XPO5: variants seen among roughly 807,000 people sequenced by gnomAD.
XPO5 encodes the protein exportin-5.
A neutral mutation model predicts 160.6 loss-of-function variants in XPO5; 46 were observed. The observed-to-expected ratio is 0.29, with a 90% CI of 0.23 to 0.37. XPO5 has a LOEUF of 0.37. Ranked by LOEUF, XPO5 falls within the 10% of genes least tolerant of loss-of-function variation. XPO5 has a pLI of 1.00. For synonymous variants in XPO5, 537 were observed against 519.3 expected (o/e 1.03, Z -0.46); for missense variants, 1,090 against 1,463.9 (o/e 0.74, Z 4.17).
At chr6:43,560,431 C>T (rs1041401347) in intron 10 of XPO5, 128 bp from the exon 11 acceptor site, 2 of 1,211,582 alleles carry the variant, frequency 1.7e-6, no homozygotes, top group African/African-American at 1.5e-5. Context: ...GCTGTCTCTA[C>T]TGCAATTTAT....
chr6:43,545,537 T>C (rs1794921768), intron 20 of XPO5, among the ~76,000 whole-genome samples: 1 of 152,010 alleles, frequency 6.6e-6, no homozygotes, highest in Non-Finnish European at 1.5e-5. Flanking sequence ...CGAAGCCCTG[T>C]CTCTACTAAA....
At chr6:43,563,672 G>A (rs922526767) in intron 8 of XPO5, among the ~76,000 whole-genome samples, 24 of 152,230 alleles carry the variant, frequency 1.6e-4, no homozygotes, top group African/African-American at 5.5e-4. Flanking sequence ...GCATGTTACC[G>A]TAGCCAATAC....
At chr6:43,539,162 G>T in intron 20 of XPO5, 2 of 1,093,898 alleles carry the variant, frequency 1.8e-6, no homozygotes, top group Admixed American at 3.9e-5. Context: ...CACCTTGCAG[G>T]GGACGGTGTG....
intron 9 of XPO5, chr6:43,561,759 T>C (rs1171217071): frequency 6.5e-6 from 1 of 153,404 alleles, no homozygotes; most frequent in Non-Finnish European, 1.4e-5. Flanking sequence ...CAATTGCAAA[T>C]GTCTGTTCCA....
chr6:43,531,011 A>G (rs963182915), intron 22 of XPO5, among the ~76,000 whole-genome samples, 187 bp from the exon 23 acceptor site: 5 of 152,322 alleles, frequency 3.3e-5, no homozygotes, highest in Admixed American at 2.0e-4. Context: ...CGAGATCAGC[A>G]GTAGCTTTCA....
chr6:43,551,247 ATTAAC>A (rs1399077347), intron 15 of XPO5, 46 bp downstream of exon 15: 1 of 1,503,448 alleles, frequency 6.7e-7, no homozygotes, highest in Admixed American at 2.3e-5. Context: ...ATAAATAAAA[ATTAAC>A]TTAGAAATGT....
intron 20 of XPO5, among the ~76,000 whole-genome samples, chr6:43,541,414 T>A (rs1448153990): frequency 1.3e-5 from 2 of 152,228 alleles, no homozygotes; most frequent in Non-Finnish European, 2.9e-5. Flanking sequence ...CACAAAACTT[T>A]AAAAAACTAA....
In XPO5 at chr6:43,533,975, A is replaced by G; in HGVS notation, c.2375T>C (p.Leu792Pro). The part of the protein sequence containing the change: ...THNTLYAPEM[L>P]AKMAEPFTKA... ...GGTGAAAGGCTCTGCCATTTTGGCTAGCATTTCTGGTGCATATAATGTATT... is the reference window on the plus strand; with the variant it reads ...GGTGAAAGGCTCTGCCATTTTGGCTGGCATTTCTGGTGCATATAATGTATT... Residue 792 changes from leucine (L) to proline (P), a missense_variant, in exon 21 of 32, where the codon CTA (leucine) becomes CCA (proline). Leu to Pro is a moderately conservative substitution (Grantham distance 98, BLOSUM62 -3). Coordinates refer to ENST00000265351, the MANE Select transcript of XPO5 (RefSeq NM_020750.3). 1 of 1,605,642 alleles carries G rather than the reference A, an allele frequency of 6.2e-7. No individual in the cohort carries two copies. The highest frequency in any genetic ancestry group is 8.5e-7 in the Non-Finnish European group (1 of 1,174,776).
At position 43,523,925 on chromosome 6, in the gene XPO5, C is replaced by T; in HGVS notation, c.3558G>A (p.Leu1186=). The T allele has an allele frequency of 1.2e-6, 2 of 1,614,054 alleles. No individual in the cohort carries two copies. The highest frequency in any genetic ancestry group is 1.7e-6 in the Non-Finnish European group (2 of 1,179,908). ...PSLFKKTKPM[L]ETEVLDNDGG... Reference sequence around the variant, plus strand: ...CATCATTGTCCAGCACCTCCGTCTCCAGCATTGGCTTTGTTTTTTTGAAAA... The same window carrying T: ...CATCATTGTCCAGCACCTCCGTCTCTAGCATTGGCTTTGTTTTTTTGAAAA... Residue 1186 remains leucine (L), a synonymous_variant, in exon 32 of 32, where the codon CTG becomes CTA. Transcript: ENST00000265351.
intron 20 of XPO5, chr6:43,539,685 C>T (rs978991257): frequency 4.7e-6 from 4 of 847,758 alleles, no homozygotes; most frequent in Non-Finnish European, 7.3e-6. Context: ...CCCCCCACTG[C>T]ACCGGCGTCA....
chr6:43,552,005 T>C (rs1408443961), intron 14 of XPO5, among the ~76,000 whole-genome samples: 1 of 152,222 alleles, frequency 6.6e-6, no homozygotes, highest in East Asian at 1.9e-4. Context: ...CAGTGTATTA[T>C]TCCCTAAAAC....
intron 6 of XPO5, among the ~76,000 whole-genome samples, chr6:43,568,337 C>A (rs75850412): frequency 0.036 from 5,408 of 151,924 alleles, 332 homozygotes; most frequent in African/African-American, 0.12. Context: ...ACAAAAAAAA[C>A]AAACGACAGA....
chr6:43,548,285 A>T lies in XPO5; in HGVS notation c.2036T>A (p.Ile679Asn). The T allele has an allele frequency of 6.2e-7, 1 of 1,611,406 alleles. No individual in the cohort carries two copies. Among genetic ancestry groups the T allele is most frequent in the Non-Finnish European group, 8.5e-7 (1 of 1,178,364 alleles). ...CCTGTGCATGTCTTGAGAAAGCCAG[A>T]TGCTGGCCACTGGTGCCATCAGCTC... ...LEELMAPVAS[I>N]WLSQDMHRVL... Residue 679 changes from isoleucine to asparagine, a missense_variant, in exon 18 of 32, where the codon ATC (isoleucine) becomes AAC (asparagine). Coordinates refer to ENST00000265351, the MANE Select transcript of XPO5 (RefSeq NM_020750.3).
At chr6:43,562,431 C>A in intron 8 of XPO5, 85 bp from the exon 9 acceptor site, 1 of 1,023,488 alleles carries the variant, frequency 9.8e-7, no homozygotes, top group Middle Eastern at 2.0e-4. Context: ...TTCTCCAAGT[C>A]ATTTAGTTAG....
Position 43,527,627 on chromosome 6 carries a change from C to T in XPO5, c.2920+7G>A, listed in dbSNP as rs965764512. The stretch of plus-strand genomic sequence containing the variant: ...CTCTATAGCCCCAGTTTCGACATGC[C>T]ACTTACTGATTAGGTCCATGACTTC... On this transcript the variant is annotated splice_region_variant and intron_variant, in intron 26 of 31. Coordinates refer to ENST00000265351, the MANE Select transcript of XPO5 (RefSeq NM_020750.3). The T allele has an allele frequency of 1.9e-6, 3 of 1,613,678 alleles. No homozygotes were observed. The highest frequency in any genetic ancestry group is 1.6e-4 in the Middle Eastern group (1 of 6,082).
chr6:43,522,802 G>C lies in XPO5; in HGVS notation c.*1066C>G, dbSNP rs79440262. On this transcript the variant is annotated 3_prime_UTR_variant, in exon 32 of 32. Coordinates refer to ENST00000265351, the MANE Select transcript of XPO5 (RefSeq NM_020750.3). ...TCTGTATGGATTAACTCTGCCTTAC[G>C]GCCAGTAATAACCTCAGGGCCAGGT... The C allele has an allele frequency of 2.5e-6, 1 of 401,788 alleles. No individual in the cohort carries two copies. Among genetic ancestry groups the C allele is most frequent in the Non-Finnish European group, 5.5e-6 (1 of 181,250 alleles). 24.9% of individuals were successfully genotyped at this position (401,788 alleles called of 1,614,324 possible).
At position 43,524,922 on chromosome 6, in the gene XPO5, G is replaced by T. The variant is rs1793464148; in HGVS notation, c.3221C>A (p.Thr1074Asn). 6.2e-7 allele frequency: 1 copy of T among 1,613,840 alleles called. No individual in the cohort carries two copies. The highest frequency in any genetic ancestry group is 1.1e-5 in the South Asian group (1 of 91,086). Reference sequence around the variant, plus strand: ...CATCTGTAAGCCTTTCAGCACACTGGTGAAAAGCCACGTAACTGCATCTGC... The same window carrying T: ...CATCTGTAAGCCTTTCAGCACACTGTTGAAAAGCCACGTAACTGCATCTGC... ...LLADAVTWLF[T>N]SVLKGLQMHG... Residue 1074 changes from threonine to asparagine, a missense_variant, in exon 30 of 32, where the codon ACC becomes AAC. Around this residue, in one of 3 missense-constraint regions of XPO5, gnomAD observed 810 missense variants for 1,139.0 expected, o/e 0.71. Coordinates refer to ENST00000265351, the MANE Select transcript of XPO5 (RefSeq NM_020750.3).
At chr6:43,559,406 CA>C (rs1762290639) in intron 11 of XPO5, among the ~76,000 whole-genome samples, 1 of 152,220 alleles carries the variant, frequency 6.6e-6, no homozygotes, top group African/African-American at 2.4e-5. Context: ...TTGAGATTAA[CA>C]ATCTGTCAAC....
At position 43,575,990 on chromosome 6, in the gene XPO5, G is replaced by A. The variant is rs1763305190; in HGVS notation, c.-126C>T. Reference sequence around the variant, plus strand: ...GGGCGGCGGGGGTGGGAAGCTGGAGGAGGAGCGTTAGCAGCAACTCGCGCT... The same window carrying A: ...GGGCGGCGGGGGTGGGAAGCTGGAGAAGGAGCGTTAGCAGCAACTCGCGCT... On this transcript the variant is annotated 5_prime_UTR_variant, in exon 1 of 32. Coordinates refer to ENST00000265351, the MANE Select transcript of XPO5 (RefSeq NM_020750.3). 6 of 864,290 alleles carry A rather than the reference G, an allele frequency of 6.9e-6. No individual in the cohort carries two copies. In the East Asian group the frequency reaches 1.4e-4, roughly 20 times the overall value. The allele number at this position is 864,290 out of a possible 1,614,324, so 53.5% of individuals were successfully genotyped here.
Sources: gnomAD v4.1 joint callset for allele counts (sites outside exome capture counted in the v4.1 genomes callset) on GRCh38, gnomAD v4.1.1 for gene constraint, gnomAD v4.1.1 regional missense constraint, MANE v1.5 for transcripts, NCBI Gene and HGNC (gene_info 2026-07-23, HGNC 2026-07-21) for gene names.